The following CAMK2D variants were observed in gnomAD, a reference collection of about 807,000 sequenced individuals.
CAMK2D encodes calcium/calmodulin dependent protein kinase II delta, also known as calcium/calmodulin-dependent protein kinase type II subunit delta.
In CAMK2D, 37 loss-of-function variants were observed where a neutral mutation model predicts 84.0. That is an observed-to-expected ratio of 0.44 (90% CI 0.34 to 0.58). The LOEUF is 0.58. Among genes scored for constraint, CAMK2D ranks in the 20% least tolerant of loss-of-function variants. The pLI is 0.02. For missense variants in CAMK2D, 448 were observed against 652.5 expected (o/e 0.69, Z 3.41); for synonymous variants, 202 against 212.5 (o/e 0.95, Z 0.43).
At chr4:113,630,211 A>G (rs1300886315) in intron 3 of CAMK2D, among the ~76,000 whole-genome samples, 1 of 152,240 alleles carries the variant, frequency 6.6e-6, no homozygotes, top group Non-Finnish European at 1.5e-5. Flanking sequence ...AAAATAGAAT[A>G]GTTTTTAAAA....
chr4:113,530,795 A>G (rs1015004505), intron 8 of CAMK2D, among the ~76,000 whole-genome samples: 5 of 152,168 alleles, frequency 3.3e-5, no homozygotes, highest in African/African-American at 1.2e-4. Context: ...TGAGAAATAA[A>G]TTTTTGTGGC....
intron 8 of CAMK2D, among the ~76,000 whole-genome samples, chr4:113,525,388 C>T (rs1472934546): frequency 6.6e-6 from 1 of 152,164 alleles, no homozygotes; most frequent in Non-Finnish European, 1.5e-5. Flanking sequence ...GTGACATCCA[C>T]AAACATTTCC....
In CAMK2D at chr4:113,672,388, A is replaced by ACT. The variant is rs2099292343; in HGVS notation, c.161-10618_161-10617dup. ...TATTAAGATACTGTAAGTTTGAGAT[A>ACT]CTATGTATTTATTTTTAAGGGAAAA... On this transcript the variant is annotated intron_variant, in intron 2 of 20. Transcript: ENST00000511664. 2.0e-5 allele frequency among the ~76,000 whole-genome samples: 3 copies of ACT among 152,308 alleles called. No homozygotes were observed. The East Asian group carries it at 5.8e-4, about 29-fold the overall frequency.
chr4:113,761,237 G>A lies in CAMK2D; in HGVS notation c.-169C>T. On this transcript the variant is annotated 5_prime_UTR_variant, in exon 1 of 21. Coordinates refer to ENST00000511664, the MANE Select transcript of CAMK2D (RefSeq NM_001321571.2). ...AGTGTGCGCAGGGGCGGGGCGGGAG[G>A]GGAGATGACCAGAAAGGGTGGCGTG... The A allele has an allele frequency of 6.8e-7, 1 of 1,478,214 alleles. No homozygotes were observed. Among genetic ancestry groups the A allele is most frequent in the Non-Finnish European group, 8.9e-7 (1 of 1,117,398 alleles). 91.6% of individuals were successfully genotyped at this position (1,478,214 alleles called of 1,614,324 possible). A position where few individuals can be genotyped will look rare whatever the true frequency, so the allele number is the denominator to read the frequency against.
chr4:113,622,455 G>A (rs1181306028), intron 3 of CAMK2D, among the ~76,000 whole-genome samples: 1 of 152,110 alleles, frequency 6.6e-6, no homozygotes, highest in Non-Finnish European at 1.5e-5. Context: ...CCCTCCAGCA[G>A]GCATCTTTGT....
At position 113,517,613 on chromosome 4, in the gene CAMK2D, C is replaced by T; in HGVS notation, c.646G>A (p.Asp216Asn). Residue 216 changes from aspartate to asparagine, a missense_variant, in exon 9 of 21, where the codon GAT becomes AAT. Coordinates refer to ENST00000511664, the MANE Select transcript of CAMK2D (RefSeq NM_001321571.2). ...TGATAGAGTCTGTGTTGGTCTTCAT[C>T]CCAGAAGGGTGGATACCCCACAAGT... is the stretch of plus-strand genomic sequence containing the variant. ...ILLVGYPPFW[D>N]EDQHRLYQQI... 1 of 1,592,340 alleles carries T rather than the reference C, an allele frequency of 6.3e-7. No individual in the cohort carries two copies. The highest frequency in any genetic ancestry group is 8.6e-7 in the Non-Finnish European group (1 of 1,160,696).
intron 5 of CAMK2D, among the ~76,000 whole-genome samples, chr4:113,551,592 A>C (rs1681235893): frequency 6.6e-6 from 1 of 152,242 alleles, no homozygotes; most frequent in African/African-American, 2.4e-5. Flanking sequence ...GCTACTAGGC[A>C]GTTGGCTAGA....
chr4:113,752,413 T>C (rs1306119180), intron 2 of CAMK2D, among the ~76,000 whole-genome samples: 3 of 152,158 alleles, frequency 2.0e-5, no homozygotes, highest in African/African-American at 4.8e-5. Context: ...TCAACAAATA[T>C]AGAACTTGAC....
chr4:113,585,614 C>A (rs375915733), intron 4 of CAMK2D, among the ~76,000 whole-genome samples: 7 of 151,744 alleles, frequency 4.6e-5, no homozygotes, highest in Admixed American at 1.3e-4. Flanking sequence ...ATTAAATATG[C>A]AATCTTACAG....
Position 113,547,771 on chromosome 4 carries a change from G to GTA in CAMK2D, c.342-57_342-56dup, listed in dbSNP as rs1432856425. Reference sequence around the variant, plus strand: ...AGTTCCAAGCTTACACTCACTGTCTGTATACCCTCAGAGAGACTGGGTTAA... The same window carrying GTA: ...AGTTCCAAGCTTACACTCACTGTCTGTATATACCCTCAGAGAGACTGGGTTAA... On this transcript the variant is annotated intron_variant, in intron 5 of 20. Transcript: ENST00000511664. The GTA allele has an allele frequency of 3.5e-6, 4 of 1,158,482 alleles. No individual in the cohort carries two copies. The African/African-American group carries it at 6.1e-5, about 18-fold the overall frequency. The allele number at this position is 1,158,482 out of a possible 1,614,324, so 71.8% of individuals were successfully genotyped here. A position where few individuals can be genotyped will look rare whatever the true frequency, so the allele number is the denominator to read the frequency against.
Position 113,626,280 on chromosome 4 carries a change from T to C in CAMK2D, c.221-17074A>G, listed in dbSNP as rs531038012. Among the ~76,000 whole-genome samples the C allele has an allele frequency of 2.4e-3, 364 of 152,190 alleles. 6 individuals carry two copies. The highest frequency in any genetic ancestry group is 0.023 in the South Asian group (112 of 4,824). ...CCAAATGTATCATCTAACGGAGAAA[T>C]CAAGAAAAACAAATTCATTCTTTAG... On this transcript the variant is annotated intron_variant, in intron 3 of 20. Transcript: ENST00000511664.
chr4:113,475,286 T>C (rs2097593860), intron 16 of CAMK2D, among the ~76,000 whole-genome samples: 1 of 152,160 alleles, frequency 6.6e-6, no homozygotes, highest in African/African-American at 2.4e-5. Flanking sequence ...CTGAAGAGCA[T>C]GTCCTCTCTA....
intron 7 of CAMK2D, among the ~76,000 whole-genome samples, chr4:113,531,712 T>C (rs969531910): frequency 6.6e-6 from 1 of 152,176 alleles, no homozygotes; most frequent in African/African-American, 2.4e-5. Flanking sequence ...TGTGTACTGT[T>C]AAATAATCAG....
At chr4:113,493,874 T>A (rs2097884333) in intron 16 of CAMK2D, among the ~76,000 whole-genome samples, 1 of 152,184 alleles carries the variant, frequency 6.6e-6, no homozygotes, top group African/African-American at 2.4e-5. Flanking sequence ...ACTTCCCTTC[T>A]TGCTTCATTT....
intron 3 of CAMK2D, among the ~76,000 whole-genome samples, chr4:113,620,529 G>A (rs1390712805): frequency 6.9e-6 from 1 of 144,976 alleles, no homozygotes; most frequent in Admixed American, 6.9e-5. Context: ...TTTTTTTTGA[G>A]ACAGAGTCTC....
chr4:113,632,548 C>T (rs2099094158), intron 3 of CAMK2D, among the ~76,000 whole-genome samples: 1 of 150,690 alleles, frequency 6.6e-6, no homozygotes, highest in South Asian at 2.1e-4. Context: ...TTTGATTGTG[C>T]TATTGCACTC....
intron 3 of CAMK2D, among the ~76,000 whole-genome samples, chr4:113,660,566 T>C (rs2099225191): frequency 6.6e-6 from 1 of 152,242 alleles, no homozygotes; most frequent in African/African-American, 2.4e-5. Context: ...ATTTTTTTAA[T>C]AGTTTGTAGA....
intron 6 of CAMK2D, among the ~76,000 whole-genome samples, chr4:113,544,622 G>A (rs912477984): frequency 5.9e-5 from 9 of 152,164 alleles, no homozygotes; most frequent in Non-Finnish European, 2.9e-5. Flanking sequence ...AGACAGCACA[G>A]GGTACATGGT....
At chr4:113,630,561 G>T (rs761664315) in intron 3 of CAMK2D, among the ~76,000 whole-genome samples, 5 of 152,144 alleles carry the variant, frequency 3.3e-5, no homozygotes, top group Non-Finnish European at 5.9e-5. Flanking sequence ...TAGCCTGATG[G>T]AAAAACAGCT....
Sources: allele counts gnomAD v4.1 joint callset (sites outside exome capture counted in the v4.1 genomes callset), GRCh38; gene constraint gnomAD v4.1.1; transcripts MANE v1.5; gene names NCBI Gene and HGNC (gene_info 2026-07-23, HGNC 2026-07-21).